The following SH3BGRL2 variants were observed in gnomAD, a reference collection of about 807,000 sequenced individuals.
SH3BGRL2 encodes SH3 domain binding glutamate rich protein like 2.
Under a neutral mutation model 14.8 loss-of-function variants are expected in SH3BGRL2, and 21 were observed. The observed-to-expected ratio is 1.42, with a 90% confidence interval of 1.01 to 2.05. The LOEUF is 2.05. Among genes scored for constraint, SH3BGRL2 ranks in the 30% most tolerant of loss-of-function variants. The pLI, the probability that SH3BGRL2 is intolerant of heterozygous loss-of-function variation, is 0.00. For missense variants in SH3BGRL2, 147 were observed against 130.8 expected (o/e 1.12, Z -0.61); for synonymous variants, 50 against 47.8 (o/e 1.05, Z -0.19).
the SH3BGRL2 span, among the ~76,000 whole-genome samples, chr6:79,613,563 CCCTA>C: frequency 6.6e-6 from 1 of 152,140 alleles, no homozygotes; most frequent in Non-Finnish European, 1.5e-5. Context: ...ACTTTGGAAA[CCCTA>C]CCTGTCAGAT....
intron 2 of SH3BGRL2, among the ~76,000 whole-genome samples, chr6:79,692,075 G>A (rs1279349429): frequency 6.6e-6 from 1 of 152,194 alleles, no homozygotes; most frequent in Non-Finnish European, 1.5e-5. Context: ...GTATCTCATT[G>A]TGGTTTTGAT....
chr6:79,664,648 C>G (rs775498393), intron 1 of SH3BGRL2, among the ~76,000 whole-genome samples: 3 of 152,212 alleles, frequency 2.0e-5, no homozygotes, highest in African/African-American at 7.2e-5. Flanking sequence ...GTCCCACTTG[C>G]AGCAGCCAGA....
the SH3BGRL2 span, among the ~76,000 whole-genome samples, chr6:79,543,713 A>C: frequency 3.3e-5 from 5 of 152,220 alleles, no homozygotes; most frequent in African/African-American, 1.2e-4. Flanking sequence ...TCTCTGTTGA[A>C]GGAGAGGAGC....
intron 1 of SH3BGRL2, 119 bp from the exon 2 acceptor site, chr6:79,673,495 A>C: frequency 1.0e-6 from 1 of 956,644 alleles, no homozygotes; most frequent in East Asian, 2.6e-5. Flanking sequence ...ACAGTGCATG[A>C]CACCTACATA....
At chr6:79,588,705 C>T in the SH3BGRL2 span, among the ~76,000 whole-genome samples, 3 of 151,974 alleles carry the variant, frequency 2.0e-5, no homozygotes, top group African/African-American at 7.3e-5. Flanking sequence ...GCTTTGCTTC[C>T]ACATAGGTAT....
the SH3BGRL2 span, among the ~76,000 whole-genome samples, chr6:79,614,957 G>C: frequency 6.6e-6 from 1 of 152,180 alleles, no homozygotes; most frequent in Admixed American, 6.5e-5. Context: ...AGGCGACCTA[G>C]AAGTTTACTC....
chr6:79,671,492 A>G (rs998473929), intron 1 of SH3BGRL2, among the ~76,000 whole-genome samples: 3 of 152,192 alleles, frequency 2.0e-5, no homozygotes, highest in Non-Finnish European at 2.9e-5. Flanking sequence ...GAAAGCAGTG[A>G]CTGTTGGCCC....
intron 2 of SH3BGRL2, among the ~76,000 whole-genome samples, chr6:79,694,262 A>G (rs1046983936): frequency 6.6e-6 from 1 of 152,242 alleles, no homozygotes; most frequent in African/African-American, 2.4e-5. Context: ...GATATCTTAA[A>G]GGATGGAACA....
chr6:79,675,734 T>C lies in SH3BGRL2; in HGVS notation c.231+1935T>C, dbSNP rs1769867846. Among the ~76,000 whole-genome samples the C allele has an allele frequency of 2.0e-5, 3 of 152,204 alleles. No individual in the cohort carries two copies. In the South Asian group the frequency reaches 6.2e-4, roughly 31 times the overall value. ...TTTCTCCCCATTTCTTGCTCTGTGA[T>C]TCTTTTAAATAATGTTGTATTTCTA... is the stretch of plus-strand genomic sequence containing the variant. On this transcript the variant is annotated intron_variant, in intron 2 of 3. Coordinates refer to ENST00000369838, the MANE Select transcript of SH3BGRL2 (RefSeq NM_031469.4).
upstream of SH3BGRL2, chr6:79,631,152 T>C (rs537944123): frequency 9.4e-6 from 3 of 318,210 alleles, no homozygotes; most frequent in East Asian, 1.5e-4. Flanking sequence ...CTGCGCGTGT[T>C]CGGGATAGAA....
chr6:79,689,716 A>G (rs540159193), intron 2 of SH3BGRL2, among the ~76,000 whole-genome samples: 3 of 152,118 alleles, frequency 2.0e-5, no homozygotes, highest in East Asian at 1.9e-4. Context: ...CTTATTTCCA[A>G]TGTTATGATT....
At chr6:79,634,793 A>G (rs1356421541) in intron 1 of SH3BGRL2, among the ~76,000 whole-genome samples, 3 of 152,174 alleles carry the variant, frequency 2.0e-5, no homozygotes, top group African/African-American at 7.2e-5. Flanking sequence ...AGATAGAAAA[A>G]TATAGGAGGC....
chr6:79,576,112 A>T, the SH3BGRL2 span, among the ~76,000 whole-genome samples: 1 of 152,158 alleles, frequency 6.6e-6, no homozygotes, highest in Admixed American at 6.5e-5. Context: ...AAATATCTTA[A>T]TTCCAAACCC....
At chr6:79,579,578 C>T in the SH3BGRL2 span, among the ~76,000 whole-genome samples, 1 of 152,074 alleles carries the variant, frequency 6.6e-6, no homozygotes, top group African/African-American at 2.4e-5. Context: ...GAAATAAAAT[C>T]CTTTACAGAC....
At chr6:79,675,136 T>C (rs556608885) in intron 2 of SH3BGRL2, among the ~76,000 whole-genome samples, 50 of 152,170 alleles carry the variant, frequency 3.3e-4, no homozygotes, top group Non-Finnish European at 6.3e-4. Context: ...AAAATAAAGC[T>C]ATAAGTCAAA....
At chr6:79,611,497 C>A in the SH3BGRL2 span, among the ~76,000 whole-genome samples, 1 of 151,542 alleles carries the variant, frequency 6.6e-6, no homozygotes, top group Non-Finnish European at 1.5e-5. Flanking sequence ...GCAACCTCCA[C>A]CTCCTGGGTT....
At position 79,696,519 on chromosome 6, in the gene SH3BGRL2, A is replaced by G; in HGVS notation, c.266A>G (p.Asn89Ser). ...YDSFFESKESNTVFSFLGLKP... is the reference protein window; with the variant it reads ...YDSFFESKESSTVFSFLGLKP... Reference sequence around the variant, plus strand: ...AGTTTTTTTGAATCCAAGGAAAGCAACACAGTCTTTTCATTTTTAGGCCTG... The same window carrying G: ...AGTTTTTTTGAATCCAAGGAAAGCAGCACAGTCTTTTCATTTTTAGGCCTG... Residue 89 changes from asparagine (N) to serine (S), a missense_variant, in exon 3 of 4, where the codon AAC (asparagine) becomes AGC (serine). Asn to Ser is a conservative substitution (Grantham distance 46). Coordinates refer to ENST00000369838, the MANE Select transcript of SH3BGRL2 (RefSeq NM_031469.4). The G allele has an allele frequency of 1.9e-6, 3 of 1,578,930 alleles. No homozygotes were observed. The highest frequency in any genetic ancestry group is 2.6e-6 in the Non-Finnish European group (3 of 1,170,458).
At chr6:79,614,165 G>A in the SH3BGRL2 span, among the ~76,000 whole-genome samples, 13 of 152,164 alleles carry the variant, frequency 8.5e-5, no homozygotes, top group African/African-American at 3.1e-4. Context: ...GTGGCTGAGT[G>A]ATAGTCTGAA....
At chr6:79,678,117 TTTC>T (rs1442529539) in intron 2 of SH3BGRL2, among the ~76,000 whole-genome samples, 11 of 152,172 alleles carry the variant, frequency 7.2e-5, no homozygotes, top group Admixed American at 2.0e-4. Context: ...GTATATAATT[TTTC>T]TTATTTTTAT....
Sources: allele counts gnomAD v4.1 joint callset (sites outside exome capture counted in the v4.1 genomes callset), GRCh38; gene constraint gnomAD v4.1.1; transcripts MANE v1.5; gene names NCBI Gene and HGNC (gene_info 2026-07-23, HGNC 2026-07-21).